Variants in ARL6IP6 observed in about 807,000 individuals in gnomAD.
The protein encoded by ARL6IP6 is ADP-ribosylation factor-like protein 6-interacting protein 6.
A neutral mutation model predicts 21.5 loss-of-function variants in ARL6IP6; 22 were observed. That is an observed-to-expected ratio of 1.02 (90% confidence interval 0.73 to 1.46). ARL6IP6 has a LOEUF of 1.46. ARL6IP6 is among the 40% of genes most tolerant of loss of function. The pLI is 0.00. For synonymous variants in ARL6IP6, 164 were observed against 125.3 expected (o/e 1.31, Z -2.06); for missense variants, 388 against 299.8 (o/e 1.29, Z -2.17).
At chr2:152,745,857 A>G (rs1049210351) in intron 3 of ARL6IP6, among the ~76,000 whole-genome samples, 3 of 152,146 alleles carry the variant, frequency 2.0e-5, no homozygotes, top group Non-Finnish European at 2.9e-5. Flanking sequence ...GGGTTAAAGT[A>G]CATGCATATT....
intron 3 of ARL6IP6, among the ~76,000 whole-genome samples, chr2:152,739,138 A>G (rs1043080782): frequency 1.3e-5 from 2 of 151,334 alleles, no homozygotes; most frequent in African/African-American, 4.9e-5. Flanking sequence ...GCCCACCACC[A>G]CGCCCGGCTA....
intron 3 of ARL6IP6, among the ~76,000 whole-genome samples, chr2:152,758,139 A>T (rs758075701): frequency 2.0e-5 from 3 of 152,120 alleles, no homozygotes; most frequent in African/African-American, 7.2e-5. Context: ...ATGGCTTAGT[A>T]TTTGCATATA....
At chr2:152,739,963 TG>T (rs1369538666) in intron 3 of ARL6IP6, among the ~76,000 whole-genome samples, 1 of 152,202 alleles carries the variant, frequency 6.6e-6, no homozygotes, top group Non-Finnish European at 1.5e-5. Context: ...AACAGCCACA[TG>T]GGGGTAACCA....
At chr2:152,740,348 C>G (rs938487823) in intron 3 of ARL6IP6, among the ~76,000 whole-genome samples, 20 of 152,296 alleles carry the variant, frequency 1.3e-4, no homozygotes, top group Middle Eastern at 3.4e-3. Context: ...GCCTGCCCAC[C>G]TTGGCCTCTC....
intron 3 of ARL6IP6, among the ~76,000 whole-genome samples, chr2:152,750,474 C>CA (rs932942369): frequency 0.098 from 6,466 of 65,822 alleles, 198 homozygotes; most frequent in Middle Eastern, 0.15. Context: ...AGACTCTGTC[C>CA]AAAAAAAAAA....
chr2:152,759,664 G>A (rs1368767629), intron 3 of ARL6IP6, 83 bp from the exon 4 acceptor site: 2 of 1,069,332 alleles, frequency 1.9e-6, no homozygotes, highest in Non-Finnish European at 2.8e-6. Context: ...AAGGTCATAA[G>A]TATTTTCGAT....
Position 152,724,880 on chromosome 2 carries a change from A to G in ARL6IP6, c.454+4294A>G, listed in dbSNP as rs186793813. On this transcript the variant is annotated intron_variant, in intron 2 of 3. Transcript: ENST00000326446. The stretch of plus-strand genomic sequence containing the variant: ...ATACTTTGAACACCACTGGCCTAGT[A>G]GTTCCCAAACCTGACATAAAAAAAA... 5.0e-4 allele frequency among the ~76,000 whole-genome samples: 70 copies of G among 139,336 alleles called. 2 individuals carry two copies. The East Asian group carries it at 0.014, about 29-fold the overall frequency. 91.4% of individuals were successfully genotyped at this position (139,336 alleles called of 152,430 possible). A position where few individuals can be genotyped will look rare whatever the true frequency, so the allele number is the denominator to read the frequency against.
In ARL6IP6 at chr2:152,753,130, C is replaced by A. The variant is rs545371689; in HGVS notation, c.588-6617C>A. ...GTCCCGCCTGGGTAACAGAGTGAGA[C>A]CCTGTCTCAAAAAAAAAATAAAAGC... On this transcript the variant is annotated intron_variant, in intron 3 of 3. Coordinates refer to ENST00000326446, the MANE Select transcript of ARL6IP6 (RefSeq NM_152522.7). Among the ~76,000 whole-genome samples, 69 of 151,872 alleles carry A rather than the reference C, an allele frequency of 4.5e-4. 1 individual carries two copies. Among genetic ancestry groups the A allele is most frequent in the African/African-American group, 1.5e-3 (62 of 41,412 alleles).
intron 2 of ARL6IP6, among the ~76,000 whole-genome samples, chr2:152,722,902 C>G (rs1440563678): frequency 6.6e-6 from 1 of 152,120 alleles, no homozygotes; most frequent in Non-Finnish European, 1.5e-5. Context: ...AGCAAGACTC[C>G]AACTCAAAAC....
At chr2:152,739,726 C>T (rs114441154) in intron 3 of ARL6IP6, among the ~76,000 whole-genome samples, 1,693 of 152,310 alleles carry the variant, frequency 0.011, 28 homozygotes, top group African/African-American at 0.038. Flanking sequence ...CTGTATTAAT[C>T]TGTTCTCACA....
intron 3 of ARL6IP6, among the ~76,000 whole-genome samples, chr2:152,739,891 G>A (rs746243369): frequency 1.1e-4 from 16 of 152,176 alleles, no homozygotes; most frequent in Non-Finnish European, 1.9e-4. Flanking sequence ...AAGAGAGCAT[G>A]TGCAGAGGAA....
chr2:152,762,277 GAAT>G lies in ARL6IP6; in HGVS notation c.*2440_*2442del, dbSNP rs1470738400. On this transcript the variant is annotated 3_prime_UTR_variant, in exon 4 of 4. Coordinates refer to ENST00000326446, the MANE Select transcript of ARL6IP6 (RefSeq NM_152522.7). The stretch of plus-strand genomic sequence containing the variant: ...TAGTTCAGCCAGGCTCAGTGGGAAA[GAAT>G]AAGGCTGATAACGGATATTGCTAAT... 1.3e-5 allele frequency among the ~76,000 whole-genome samples: 2 copies of G among 152,220 alleles called. No homozygotes were observed. Among genetic ancestry groups the G allele is most frequent in the African/African-American group, 2.4e-5 (1 of 41,448 alleles).
At position 152,732,148 on chromosome 2, in the gene ARL6IP6, T is replaced by G. The variant is rs553169425; in HGVS notation, c.455-2846T>G. 1.4e-4 allele frequency among the ~76,000 whole-genome samples: 21 copies of G among 151,824 alleles called. No individual in the cohort carries two copies. The East Asian group carries it at 4.1e-3, about 29-fold the overall frequency. On this transcript the variant is annotated intron_variant, in intron 2 of 3. Coordinates refer to ENST00000326446, the MANE Select transcript of ARL6IP6 (RefSeq NM_152522.7). ...CAGGTTTGTATAATATACAAAGGTA[T>G]ATATATATAAAATTGTATATTATAA...
chr2:152,742,965 C>G (rs1356254361), intron 3 of ARL6IP6, among the ~76,000 whole-genome samples: 1 of 152,176 alleles, frequency 6.6e-6, no homozygotes, highest in African/African-American at 2.4e-5. Flanking sequence ...AGCTAACTTA[C>G]CTCCTCTGCA....
At chr2:152,759,706 T>G (rs374346170) in intron 3 of ARL6IP6, 41 bp from the exon 4 acceptor site, 14 of 1,530,104 alleles carry the variant, frequency 9.1e-6, no homozygotes, top group Non-Finnish European at 1.3e-5. Flanking sequence ...TATACCACGT[T>G]ACATTTTTCT....
intron 2 of ARL6IP6, among the ~76,000 whole-genome samples, chr2:152,729,055 CAAAAAAA>C (rs70974883): frequency 8.5e-6 from 1 of 117,228 alleles, no homozygotes; most frequent in South Asian, 2.6e-4. Context: ...GATTCCTTCT[CAAAAAAA>C]AAAAAAAAAA....
chr2:152,718,715 T>G lies in ARL6IP6; in HGVS notation c.91T>G (p.Phe31Val). ...TGTGGCTCGGCCATCGTATTCCTCC[T>G]TTACTCAGGGGGACAGCTGGGGTGA... ...GPVARPSYSS[F>V]TQGDSWGEGE... Residue 31 changes from phenylalanine to valine, a missense_variant, in exon 1 of 4, where the codon TTT becomes GTT. Coordinates refer to ENST00000326446, the MANE Select transcript of ARL6IP6 (RefSeq NM_152522.7). 1 of 1,609,006 alleles carries G rather than the reference T, an allele frequency of 6.2e-7. No individual in the cohort carries two copies. The highest frequency in any genetic ancestry group is 8.5e-7 in the Non-Finnish European group (1 of 1,177,658).
intron 2 of ARL6IP6, among the ~76,000 whole-genome samples, chr2:152,732,894 T>A (rs1700385818): frequency 6.6e-6 from 1 of 152,170 alleles, no homozygotes; most frequent in African/African-American, 2.4e-5. Flanking sequence ...ATTGTTACTT[T>A]TTTTTTTTCC....
At chr2:152,736,708 C>T (rs1398235787) in intron 3 of ARL6IP6, among the ~76,000 whole-genome samples, 1 of 151,844 alleles carries the variant, frequency 6.6e-6, no homozygotes, top group Non-Finnish European at 1.5e-5. Flanking sequence ...ATTCAGCCAA[C>T]CATGGATAAA....
Sources: allele counts gnomAD v4.1 joint callset (sites outside exome capture counted in the v4.1 genomes callset), GRCh38; gene constraint gnomAD v4.1.1; transcripts MANE v1.5; gene names NCBI Gene and HGNC (gene_info 2026-07-23, HGNC 2026-07-21).